Variants in ANO3 observed in about 807,000 individuals in gnomAD.
ANO3 encodes anoctamin-3.
A neutral mutation model predicts 144.8 loss-of-function variants in ANO3; 99 were observed. The ratio of observed to expected loss-of-function variants is 0.68; its 90% CI spans 0.58 to 0.81. The LOEUF (loss-of-function observed/expected upper bound fraction) is 0.81, where lower values mean the gene tolerates loss of function less well. Among genes scored for constraint, ANO3 ranks in the 30% least tolerant of loss-of-function variants. The pLI is 0.00. For missense variants in ANO3, 905 were observed against 1,202.2 expected, an observed-to-expected ratio of 0.75 and a Z score of 3.66; for synonymous variants, 414 against 392.6, an observed-to-expected ratio of 1.05 and a Z score of -0.64.
chr11:26,217,822 GGTT>G (rs112390207), intron 1 of ANO3, among the ~76,000 whole-genome samples: 48,917 of 151,210 alleles, frequency 0.32, 8,213 homozygotes, highest in Non-Finnish European at 0.37. Context: ...GTCAAAAACA[GGTT>G]GTTGTTGTTG....
At chr11:26,524,401 G>T (rs780404442) in intron 6 of ANO3, among the ~76,000 whole-genome samples, 4 of 152,070 alleles carry the variant, frequency 2.6e-5, no homozygotes, top group Non-Finnish European at 5.9e-5. Flanking sequence ...CCAAAAGTTT[G>T]CAGTGAAAGG....
intron 1 of ANO3, among the ~76,000 whole-genome samples, chr11:26,259,219 T>C (rs12270830): frequency 6.6e-6 from 1 of 152,090 alleles, no homozygotes; most frequent in Non-Finnish European, 1.5e-5. Context: ...TAGAAATAGA[T>C]TGAATAGATT....
intron 3 of ANO3, among the ~76,000 whole-genome samples, chr11:26,453,009 C>G (rs541142099): frequency 2.0e-5 from 3 of 151,936 alleles, no homozygotes; most frequent in Non-Finnish European, 4.4e-5. Flanking sequence ...AAATAAAATA[C>G]TTTACAGACA....
chr11:26,634,906 C>T, intron 19 of ANO3, 107 bp from the exon 20 acceptor site: 1 of 817,222 alleles, frequency 1.2e-6, no homozygotes, highest in Non-Finnish European at 2.1e-6. Flanking sequence ...CAGATTGCAC[C>T]AGTGAGCGTT....
intron 2 of ANO3, 117 bp downstream of exon 2, chr11:26,442,229 G>A (rs1858546072): frequency 2.0e-6 from 2 of 979,568 alleles, no homozygotes; most frequent in East Asian, 2.4e-5. Flanking sequence ...GAAGGAGGCT[G>A]GCATAGAAAG....
intron 1 of ANO3, among the ~76,000 whole-genome samples, chr11:26,293,263 T>C (rs1854001826): frequency 6.6e-6 from 1 of 151,978 alleles, no homozygotes; most frequent in Non-Finnish European, 1.5e-5. Context: ...GCATACAGGA[T>C]CTAATTAACA....
At chr11:26,432,024 C>T (rs1052254247) in intron 1 of ANO3, among the ~76,000 whole-genome samples, 26 of 152,268 alleles carry the variant, frequency 1.7e-4, no homozygotes, top group African/African-American at 4.3e-4. Context: ...CTCCCACCAA[C>T]GGTGTAGAAG....
chr11:26,367,092 A>G (rs1856112834), intron 1 of ANO3, among the ~76,000 whole-genome samples: 1 of 152,190 alleles, frequency 6.6e-6, no homozygotes, highest in Admixed American at 6.5e-5. Flanking sequence ...CTTACACCTT[A>G]TACAAAAATT....
chr11:26,325,936 T>A (rs1854871890), intron 1 of ANO3, among the ~76,000 whole-genome samples: 1 of 152,148 alleles, frequency 6.6e-6, no homozygotes, highest in Admixed American at 6.5e-5. Context: ...GAGGCAAACT[T>A]ATTTTCCCAC....
At chr11:26,622,371 G>A (rs113236337) in intron 17 of ANO3, among the ~76,000 whole-genome samples, 2,119 of 151,778 alleles carry the variant, frequency 0.014, 26 homozygotes, top group South Asian at 0.049. Context: ...CACTTTGGGA[G>A]GCTGGGGCGG....
intron 3 of ANO3, among the ~76,000 whole-genome samples, chr11:26,461,603 T>C (rs1447200597): frequency 1.3e-5 from 2 of 152,174 alleles, no homozygotes; most frequent in East Asian, 3.9e-4. Context: ...TGTAAAAGAG[T>C]ATCTTGCATA....
intron 1 of ANO3, among the ~76,000 whole-genome samples, chr11:26,383,078 T>C (rs1364624524): frequency 6.6e-6 from 1 of 152,136 alleles, no homozygotes; most frequent in Non-Finnish European, 1.5e-5. Context: ...AAGTTAAGTC[T>C]GTATCCATGT....
At chr11:26,587,937 CAAAAAA>C (rs60752903) in intron 14 of ANO3, among the ~76,000 whole-genome samples, 3 of 116,366 alleles carry the variant, frequency 2.6e-5, no homozygotes, top group Admixed American at 8.6e-5. Flanking sequence ...AACTCTGTCT[CAAAAAA>C]AAAAAAAAAA....
At chr11:26,596,331 G>A (rs984330830) in intron 14 of ANO3, among the ~76,000 whole-genome samples, 1 of 152,070 alleles carries the variant, frequency 6.6e-6, no homozygotes, top group African/African-American at 2.4e-5. Flanking sequence ...ACATTCGCTT[G>A]TTGCCCCCAT....
chr11:26,459,051 G>A (rs1241911891), intron 3 of ANO3, among the ~76,000 whole-genome samples: 2 of 152,090 alleles, frequency 1.3e-5, no homozygotes, highest in African/African-American at 2.4e-5. Flanking sequence ...GGCTAAAACA[G>A]ATATTGAGCA....
chr11:26,265,121 T>C (rs1433413726), intron 1 of ANO3, among the ~76,000 whole-genome samples: 1 of 152,204 alleles, frequency 6.6e-6, no homozygotes. Context: ...TCTACTTTTG[T>C]ATATACTTTT....
At chr11:26,282,387 CAT>C (rs1853699928) in intron 1 of ANO3, among the ~76,000 whole-genome samples, 1 of 151,560 alleles carries the variant, frequency 6.6e-6, no homozygotes, top group African/African-American at 2.4e-5. Context: ...GAAACTCAGA[CAT>C]AAACTTTTAT....
chr11:26,378,932 A>G (rs1430579434), intron 1 of ANO3, among the ~76,000 whole-genome samples: 1 of 149,208 alleles, frequency 6.7e-6, no homozygotes, highest in Non-Finnish European at 1.5e-5. Flanking sequence ...GAACAGTCTC[A>G]TTGGATATAC....
intron 1 of ANO3, among the ~76,000 whole-genome samples, chr11:26,224,150 C>T (rs2133795418): frequency 6.7e-6 from 1 of 148,150 alleles, no homozygotes; most frequent in South Asian, 2.2e-4. Flanking sequence ...GTTCCATGAG[C>T]AAAATCACCA....
Sources: allele counts gnomAD v4.1 joint callset (sites outside exome capture counted in the v4.1 genomes callset), GRCh38; gene constraint gnomAD v4.1.1; transcripts MANE v1.5; gene names NCBI Gene and HGNC (gene_info 2026-07-23, HGNC 2026-07-21).